WDR48: variants seen among roughly 807,000 people sequenced by gnomAD.
The protein encoded by WDR48 is WD repeat domain 48.
A neutral mutation model predicts 94.0 loss-of-function variants in WDR48; 22 were observed. The observed-to-expected ratio is 0.23, with a 90% CI of 0.17 to 0.33. The LOEUF (loss-of-function observed/expected upper bound fraction) is 0.33, where lower values mean the gene tolerates loss of function less well. WDR48 is among the 10% of genes least tolerant of loss of function. The pLI is 1.00. For missense variants in WDR48, 541 were observed against 813.8 expected, an observed-to-expected ratio of 0.66 and a Z score of 4.08; for synonymous variants, 278 against 280.5, an observed-to-expected ratio of 0.99 and a Z score of 0.09.
intron 7 of WDR48, among the ~76,000 whole-genome samples, chr3:39,071,780 A>G (rs2033947620): frequency 6.6e-6 from 1 of 152,202 alleles, no homozygotes; most frequent in Non-Finnish European, 1.5e-5. Context: ...ACCACCAACA[A>G]CCAAGCATAT....
chr3:39,053,834 T>C (rs1454280521), intron 1 of WDR48, among the ~76,000 whole-genome samples: 1 of 152,190 alleles, frequency 6.6e-6, no homozygotes, highest in African/African-American at 2.4e-5. Flanking sequence ...AGTGTTCCAA[T>C]AGGCTGAATG....
chr3:39,086,085 A>G (rs545169979), intron 14 of WDR48, among the ~76,000 whole-genome samples: 6 of 152,304 alleles, frequency 3.9e-5, no homozygotes, highest in South Asian at 4.1e-4. Flanking sequence ...AAAAATTCAA[A>G]TTCCAACTCA....
At chr3:39,068,978 G>A (rs1309651955) in intron 6 of WDR48, 119 bp downstream of exon 6, 3 of 743,626 alleles carry the variant, frequency 4.0e-6, no homozygotes, top group Non-Finnish European at 6.2e-6. Flanking sequence ...TTTAGAGACT[G>A]GGTCTCACTC....
chr3:39,086,494 T>G (rs2034815223), intron 14 of WDR48: 2 of 152,236 alleles, frequency 1.3e-5, no homozygotes, highest in South Asian at 4.1e-4. Context: ...AAAACCAGTC[T>G]TCTGATGTTC....
In WDR48 at chr3:39,093,890, A is replaced by G; in HGVS notation, c.1762A>G (p.Ser588Gly). 6.2e-7 allele frequency: 1 copy of G among 1,609,296 alleles called. No homozygotes were observed. Among genetic ancestry groups the G allele is most frequent in the Non-Finnish European group, 8.5e-7 (1 of 1,178,404 alleles). The change falls in exon 18 of 19, where the codon AGT becomes GGT. Residue 588 changes from serine to glycine, a missense_variant. This residue lies in a region of WDR48 where 109 missense variants were observed against 195.5 expected (regional missense o/e 0.56). Coordinates refer to ENST00000302313, the MANE Select transcript of WDR48 (RefSeq NM_020839.4). ...TTTTTACAGAGATAGACTCTCTGCT[A>G]GTGACATGCTCCAAGTCCGAAAAGT... ...KTLKKDRLSA[S>G]DMLQVRKVME...
At chr3:39,072,365 A>G (rs2033988075) in intron 7 of WDR48, among the ~76,000 whole-genome samples, 1 of 152,140 alleles carries the variant, frequency 6.6e-6, no homozygotes, top group Non-Finnish European at 1.5e-5. Flanking sequence ...CTTGTATGTC[A>G]CTCAAAGGGT....
intron 7 of WDR48, among the ~76,000 whole-genome samples, chr3:39,074,002 A>G (rs1217270434): frequency 6.6e-6 from 1 of 152,204 alleles, no homozygotes; most frequent in Non-Finnish European, 1.5e-5. Flanking sequence ...TTAAAGCACC[A>G]GTTGCTGGGT....
chr3:39,057,190 A>G lies in WDR48; in HGVS notation c.48+5117A>G, dbSNP rs1323947685. ...TTTGTTCAATTAAAAATAGGGATGTATCTATATTAGAAGAGTAGAGGGAGG... is the reference window on the plus strand; with the variant it reads ...TTTGTTCAATTAAAAATAGGGATGTGTCTATATTAGAAGAGTAGAGGGAGG... On this transcript the variant is annotated intron_variant, in intron 1 of 18. Transcript: ENST00000302313. 3.9e-5 allele frequency among the ~76,000 whole-genome samples: 6 copies of G among 152,236 alleles called. 1 individual carries two copies. The highest frequency in any genetic ancestry group is 3.9e-4 in the Admixed American group (6 of 15,278).
chr3:39,052,233 C>A (rs1335004897), intron 1 of WDR48, 160 bp downstream of exon 1: 20 of 808,568 alleles, frequency 2.5e-5, no homozygotes, highest in African/African-American at 5.5e-5. Context: ...GCGCTAACGG[C>A]TTGAGGAAGG....
At chr3:39,066,932 A>G in intron 5 of WDR48, 57 bp downstream of exon 5, 1 of 1,576,148 alleles carries the variant, frequency 6.3e-7, no homozygotes, top group Non-Finnish European at 8.6e-7. Context: ...TAAATAAAGA[A>G]TGGTTTATAA....
At position 39,082,133 on chromosome 3, in the gene WDR48, A is replaced by G. The variant is rs189159182; in HGVS notation, c.1174-2022A>G. On this transcript the variant is annotated intron_variant, in intron 11 of 18. Coordinates refer to ENST00000302313, the MANE Select transcript of WDR48 (RefSeq NM_020839.4). Reference sequence around the variant, plus strand: ...GGGGTGCCTATTATTGGTGATGTTGAGAAGCACAGTGTCTGGTACATAATA... The same window carrying G: ...GGGGTGCCTATTATTGGTGATGTTGGGAAGCACAGTGTCTGGTACATAATA... Among the ~76,000 whole-genome samples the G allele has an allele frequency of 3.3e-4, 50 of 152,284 alleles. No homozygotes were observed. The East Asian group carries it at 9.1e-3, about 28-fold the overall frequency.
chr3:39,075,008 A>G (rs2034139209), intron 8 of WDR48, 58 bp downstream of exon 8: 2 of 1,524,366 alleles, frequency 1.3e-6, no homozygotes, highest in Non-Finnish European at 1.8e-6. Context: ...GTGTTAGCCA[A>G]ATAGAGCAAA....
intron 3 of WDR48, among the ~76,000 whole-genome samples, chr3:39,066,094 C>A (rs1048270731): frequency 4.6e-5 from 7 of 152,184 alleles, no homozygotes; most frequent in Non-Finnish European, 1.0e-4. Context: ...TCAGTTATTC[C>A]CTCTTGCCCC....
intron 1 of WDR48, among the ~76,000 whole-genome samples, chr3:39,058,403 A>T (rs1032636610): frequency 4.6e-5 from 7 of 152,236 alleles, no homozygotes; most frequent in African/African-American, 1.7e-4. Context: ...GTTGGCCCAG[A>T]CTGGTTTTAA....
At chr3:39,068,976 C>G (rs2033775446) in intron 6 of WDR48, 117 bp downstream of exon 6, 2 of 741,066 alleles carry the variant, frequency 2.7e-6, no homozygotes, top group South Asian at 2.4e-5. Flanking sequence ...TATTTAGAGA[C>G]TGGGTCTCAC....
intron 13 of WDR48, 51 bp from the exon 14 acceptor site, chr3:39,085,464 C>G: frequency 7.0e-7 from 1 of 1,424,822 alleles, no homozygotes; most frequent in East Asian, 2.3e-5. Flanking sequence ...TAGGTTAAAG[C>G]CAAGTAACTC....
intron 1 of WDR48, among the ~76,000 whole-genome samples, chr3:39,060,727 C>T (rs2033206066): frequency 1.3e-5 from 2 of 152,110 alleles, no homozygotes; most frequent in South Asian, 4.1e-4. Context: ...GCCTGTAATC[C>T]CAGCACTTTG....
intron 7 of WDR48, 134 bp from the exon 8 acceptor site, chr3:39,074,592 C>G (rs2034115533): frequency 3.4e-6 from 3 of 890,660 alleles, no homozygotes. Flanking sequence ...GGTTGTCAAG[C>G]CTTTATCAGA....
At chr3:39,083,067 G>C (rs763562264) in intron 11 of WDR48, among the ~76,000 whole-genome samples, 1 of 152,198 alleles carries the variant, frequency 6.6e-6, no homozygotes, top group Non-Finnish European at 1.5e-5. Context: ...CTTGCGGTTA[G>C]TGGCATTAAC....
Sources: gnomAD v4.1 joint callset for allele counts (sites outside exome capture counted in the v4.1 genomes callset) on GRCh38, gnomAD v4.1.1 for gene constraint, gnomAD v4.1.1 regional missense constraint, MANE v1.5 for transcripts, NCBI Gene and HGNC (gene_info 2026-07-23, HGNC 2026-07-21) for gene names.